ATXN7: variants seen among roughly 807,000 people sequenced by gnomAD.
ATXN7 encodes the protein ataxin 7, also known as ataxin-7.
Under a neutral mutation model 70.5 loss-of-function variants are expected in ATXN7, and 12 were observed. The observed-to-expected ratio is 0.17, with a 90% confidence interval of 0.11 to 0.28. The LOEUF (loss-of-function observed/expected upper bound fraction) is 0.28, where lower values mean the gene tolerates loss of function less well. ATXN7 is among the 10% of genes least tolerant of loss of function. The pLI, the probability that ATXN7 is intolerant of heterozygous loss-of-function variation, is 1.00. For missense variants in ATXN7, 1,256 were observed against 1,131.7 expected, an observed-to-expected ratio of 1.11 and a Z score of -1.58; for synonymous variants, 498 against 448.7, an observed-to-expected ratio of 1.11 and a Z score of -1.39.
intron 5 of ATXN7, among the ~76,000 whole-genome samples, chr3:63,977,096 A>G (rs1200096531): frequency 6.6e-6 from 1 of 152,122 alleles, no homozygotes; most frequent in Non-Finnish European, 1.5e-5. Context: ...ACTGAGGTAG[A>G]TGGTGGAAGT....
chr3:63,912,106 CCGCTCGGACGGA>C (rs1325408740), intron 2 of ATXN7: 3 of 152,200 alleles, frequency 2.0e-5, no homozygotes, highest in Non-Finnish European at 4.4e-5. Flanking sequence ...CCGGGTGCCG[CCGCTCGGACGGA>C]CGCGCGGACG....
chr3:63,969,096 C>T (rs1352318670), intron 5 of ATXN7, among the ~76,000 whole-genome samples: 3 of 152,134 alleles, frequency 2.0e-5, no homozygotes, highest in African/African-American at 7.2e-5. Context: ...GGAGCAGATA[C>T]TGTTTCTCTC....
rs2075504873 is a variant in ATXN7 at position 63,982,460 on chromosome 3, T to G, written c.1012+15T>G. The G allele has an allele frequency of 6.4e-7, 1 of 1,571,826 alleles. No individual in the cohort carries two copies. The highest frequency in any genetic ancestry group is 8.7e-7 in the Non-Finnish European group (1 of 1,149,058). On this transcript the variant is annotated intron_variant, in intron 7 of 12. Transcript: ENST00000674280. ...GAGATTATCAGGTAACTTCAAATTT[T>G]CTTTCTTCATAATGCTTCTCTATAT...
At chr3:63,975,051 G>A (rs2075370427) in intron 5 of ATXN7, among the ~76,000 whole-genome samples, 1 of 152,152 alleles carries the variant, frequency 6.6e-6, no homozygotes, top group African/African-American at 2.4e-5. Flanking sequence ...TGTTCACCTA[G>A]TATTTCTTAC....
intron 5 of ATXN7, among the ~76,000 whole-genome samples, chr3:63,960,445 G>A (rs1381053856): frequency 6.6e-6 from 1 of 152,188 alleles, no homozygotes; most frequent in South Asian, 2.1e-4. Context: ...TATGGAACAC[G>A]GGGCAAATGT....
intron 1 of ATXN7, among the ~76,000 whole-genome samples, chr3:63,875,805 T>C (rs1488690833): frequency 6.6e-6 from 1 of 152,176 alleles, no homozygotes; most frequent in Non-Finnish European, 1.5e-5. Flanking sequence ...GACAGTTTTC[T>C]GTTAATAGCA....
intron 1 of ATXN7, among the ~76,000 whole-genome samples, chr3:63,882,412 G>GTGCAGTGGCACAA (rs1456783140): frequency 1.4e-5 from 2 of 144,800 alleles, no homozygotes. Context: ...TTGGGTCGGA[G>GTGCAGTGGCACAA]TCTTCTCTGT....
chr3:63,902,393 C>A (rs1703676461), intron 2 of ATXN7, among the ~76,000 whole-genome samples: 1 of 151,984 alleles, frequency 6.6e-6, no homozygotes, highest in Admixed American at 6.6e-5. Flanking sequence ...TGAGCCTGGG[C>A]AACAGAGCGA....
chr3:63,999,775 CT>C lies in ATXN7; in HGVS notation c.*310del, dbSNP rs2075815064. On this transcript the variant is annotated 3_prime_UTR_variant, in exon 13 of 13. Transcript: ENST00000674280. ...TTTTTGTTTTTGTTTTGTTTTTTAA[CT>C]TGCAGTATATCACAGAGCCACTCTT... 1.5e-5 allele frequency: 8 copies of C among 550,830 alleles called. No individual in the cohort carries two copies. Among genetic ancestry groups the C allele is most frequent in the Non-Finnish European group, 2.6e-5 (8 of 307,656 alleles). 34.1% of individuals were successfully genotyped at this position (550,830 alleles called of 1,614,324 possible).
intron 5 of ATXN7, among the ~76,000 whole-genome samples, chr3:63,963,540 A>C (rs2075166396): frequency 6.6e-6 from 1 of 152,110 alleles, no homozygotes; most frequent in South Asian, 2.1e-4. Flanking sequence ...TTCTAACTCT[A>C]TCCAGGCACA....
At chr3:63,872,494 G>C (rs1370407889) in intron 1 of ATXN7, among the ~76,000 whole-genome samples, 1 of 152,134 alleles carries the variant, frequency 6.6e-6, no homozygotes, top group African/African-American at 2.4e-5. Flanking sequence ...ATTTCCTCAG[G>C]TGGAGGCACT....
At chr3:63,987,370 G>A (rs924321490) in intron 8 of ATXN7, among the ~76,000 whole-genome samples, 3 of 152,146 alleles carry the variant, frequency 2.0e-5, no homozygotes, top group African/African-American at 7.2e-5. Flanking sequence ...ACCCAGGGGT[G>A]TTGTCCATCC....
At chr3:63,863,353 G>A (rs984548018), upstream of ATXN7, among the ~76,000 whole-genome samples, 2 of 152,036 alleles carry the variant, frequency 1.3e-5, no homozygotes, top group Non-Finnish European at 2.9e-5. Context: ...CCTAAGCCCG[G>A]CACCACTGTC....
intron 8 of ATXN7, among the ~76,000 whole-genome samples, chr3:63,987,360 ACCCAGGGGTGTTGTCCAT>A (rs1202562604): frequency 3.3e-5 from 5 of 152,098 alleles, no homozygotes; most frequent in African/African-American, 9.7e-5. Flanking sequence ...TTGTCTGAAG[ACCCAGGGGTGTTGTCCAT>A]CCCATTTCCT....
At chr3:63,931,551 C>T (rs979170989) in intron 4 of ATXN7, among the ~76,000 whole-genome samples, 3 of 152,138 alleles carry the variant, frequency 2.0e-5, no homozygotes, top group Non-Finnish European at 4.4e-5. Context: ...GCTAATGAGG[C>T]CGCTACAGGT....
chr3:63,914,566 G>A (rs1275937367), intron 4 of ATXN7, among the ~76,000 whole-genome samples: 1 of 152,116 alleles, frequency 6.6e-6, no homozygotes, highest in Non-Finnish European at 1.5e-5. Flanking sequence ...ATCACTAGGT[G>A]GCAACTCTCA....
chr3:63,942,332 C>T (rs2074782931), intron 4 of ATXN7, among the ~76,000 whole-genome samples: 1 of 152,224 alleles, frequency 6.6e-6, no homozygotes, highest in African/African-American at 2.4e-5. Context: ...TCTGTGCTGC[C>T]TCACTTGCTT....
chr3:63,874,832 A>G (rs1359845414), intron 1 of ATXN7, among the ~76,000 whole-genome samples: 1 of 152,198 alleles, frequency 6.6e-6, no homozygotes, highest in Admixed American at 6.5e-5. Context: ...TACTCTAACA[A>G]GATACCATAA....
At chr3:63,928,965 T>A (rs1284675448) in intron 4 of ATXN7, among the ~76,000 whole-genome samples, 1 of 152,154 alleles carries the variant, frequency 6.6e-6, no homozygotes, top group Non-Finnish European at 1.5e-5. Context: ...GCCTAAAACC[T>A]TTGCGAGGCT....
Sources: gnomAD v4.1 joint callset for allele counts (sites outside exome capture counted in the v4.1 genomes callset) on GRCh38, gnomAD v4.1.1 for gene constraint, MANE v1.5 for transcripts, NCBI Gene and HGNC (gene_info 2026-07-23, HGNC 2026-07-21) for gene names.